MECOM: variants seen among roughly 807,000 people sequenced by gnomAD.
MECOM encodes MDS1 and EVI1 complex locus, also known as histone-lysine N-methyltransferase MECOM.
MECOM carries 13 observed loss-of-function variants against 116.3 expected under a neutral mutation model. The observed-to-expected ratio is 0.11, with a 90% CI of 0.07 to 0.18. The LOEUF (loss-of-function observed/expected upper bound fraction) is 0.18. Among genes scored for constraint, MECOM ranks in the 10% least tolerant of loss-of-function variants. MECOM has a pLI of 1.00. For missense variants in MECOM, 1,299 were observed against 1,509.0 expected (o/e 0.86, Z 2.31); for synonymous variants, 528 against 535.2 (o/e 0.99, Z 0.19).
At position 169,346,981 on chromosome 3, in the gene MECOM, C is replaced by A. The variant is rs141191798; in HGVS notation, c.375+34206G>T. 5.9e-5 allele frequency among the ~76,000 whole-genome samples: 9 copies of A among 151,978 alleles called. No homozygotes were observed. The East Asian group carries it at 1.7e-3, about 29-fold the overall frequency. On this transcript the variant is annotated intron_variant, in intron 2 of 16. Coordinates refer to ENST00000651503, the MANE Select transcript of MECOM (RefSeq NM_004991.4). ...ACCCAAATGTTTAATAATAGGGAAA[C>A]CTTTAAACAAATTATGGTATATCCA...
At chr3:169,279,549 T>C (rs1396851731) in intron 2 of MECOM, among the ~76,000 whole-genome samples, 1 of 152,128 alleles carries the variant, frequency 6.6e-6, no homozygotes, top group Non-Finnish European at 1.5e-5. Context: ...ACTTCTAGAT[T>C]CCTGATAATA....
In MECOM at chr3:169,260,787, G is replaced by A. The variant is rs183642635; in HGVS notation, c.376-116955C>T. Among the ~76,000 whole-genome samples, 56 of 152,264 alleles carry A rather than the reference G, an allele frequency of 3.7e-4. No individual in the cohort carries two copies. In the Middle Eastern group the frequency reaches 0.01, roughly 28 times the overall value. ...GGAGCTTCTGAGAGAAATAAAACAG[G>A]ATAAATATTTATCCCTAAAGTTCTT... On this transcript the variant is annotated intron_variant, in intron 2 of 16. Coordinates refer to ENST00000651503, the MANE Select transcript of MECOM (RefSeq NM_004991.4).
At chr3:169,548,590 A>C (rs1476236401) in intron 1 of MECOM, among the ~76,000 whole-genome samples, 1 of 152,216 alleles carries the variant, frequency 6.6e-6, no homozygotes, top group Admixed American at 6.5e-5. Flanking sequence ...TCCTTTATTC[A>C]GGCCGATAGT....
rs1729180448 is a variant in MECOM, at chr3:169,116,440, C to G, written c.1432G>C (p.Gly478Arg). 1 of 1,613,998 alleles carries G rather than the reference C, an allele frequency of 6.2e-7. No individual in the cohort carries two copies. The change falls in exon 8 of 17, where the codon GGT (glycine) becomes CGT (arginine). Residue 478 changes from glycine (G) to arginine (R), a missense_variant. Physicochemically the swap from Gly to Arg is moderately radical, Grantham distance 125 (BLOSUM62 -2). Around this residue, in one of 6 missense-constraint regions of MECOM, gnomAD observed 238 missense variants for 273.1 expected, o/e 0.87. Transcript: ENST00000651503. ...DYFGANRHPA[G>R]LTFPTAPGFS... ...CCAGGAGCTGTTGGAAAGGTAAGAC[C>G]AGCAGGATGCCTATTGGCGCCAAAA...
chr3:169,121,511 A>T (rs16853191), intron 6 of MECOM, among the ~76,000 whole-genome samples: 2 of 152,114 alleles, frequency 1.3e-5, no homozygotes, highest in Non-Finnish European at 2.9e-5. Context: ...CTTGAGTTGA[A>T]TAATAAAATG....
intron 2 of MECOM, among the ~76,000 whole-genome samples, chr3:169,196,646 T>C (rs1748444550): frequency 1.3e-5 from 2 of 152,134 alleles, no homozygotes; most frequent in East Asian, 1.9e-4. Flanking sequence ...ATGGCTATTA[T>C]TAAAAGTCAA....
At chr3:169,115,332 AC>A (rs1728800199) in intron 8 of MECOM, 50 bp downstream of exon 8, 1 of 1,556,552 alleles carries the variant, frequency 6.4e-7, no homozygotes, top group Admixed American at 1.8e-5. Flanking sequence ...CAGTGGAAAT[AC>A]CGCCTTTCAT....
intron 2 of MECOM, among the ~76,000 whole-genome samples, chr3:169,257,054 T>C (rs1560052924): frequency 6.6e-6 from 1 of 152,204 alleles, no homozygotes; most frequent in Non-Finnish European, 1.5e-5. Context: ...TTGTAAGTGG[T>C]CCAAAAATGA....
Position 169,122,656 on chromosome 3 carries a change from T to A in MECOM, c.902A>T (p.Asn301Ile), listed in dbSNP as rs1427543297. The change falls in exon 6 of 17, where the codon AAC (asparagine) becomes ATC (isoleucine). Residue 301 changes from asparagine to isoleucine, a missense_variant. Asn to Ile is a moderately radical substitution (Grantham distance 149). Around this residue, in one of 6 missense-constraint regions of MECOM, gnomAD observed 374 missense variants for 433.4 expected, o/e 0.86. Coordinates refer to ENST00000651503, the MANE Select transcript of MECOM (RefSeq NM_004991.4). Reference protein sequence around the residue: ...YKCDQCPKAFNWKSNLIRHQM... With the variant: ...YKCDQCPKAFIWKSNLIRHQM... ...GTGGCGAATTAAATTGGACTTCCAG[T>A]TAAATGCCTTGGGACACTGATCACA... 6.2e-7 allele frequency: 1 copy of A among 1,614,106 alleles called. No individual in the cohort carries two copies. The highest frequency in any genetic ancestry group is 1.3e-5 in the African/African-American group (1 of 75,050).
At chr3:169,240,747 A>G (rs1259461378) in intron 2 of MECOM, among the ~76,000 whole-genome samples, 2 of 152,212 alleles carry the variant, frequency 1.3e-5, no homozygotes, top group East Asian at 3.9e-4. Context: ...ACCTGCCTCT[A>G]GATGCCAGCC....
chr3:169,345,864 C>T (rs1725255979), intron 2 of MECOM, among the ~76,000 whole-genome samples: 1 of 152,080 alleles, frequency 6.6e-6, no homozygotes, highest in African/African-American at 2.4e-5. Context: ...AAGGAAATAT[C>T]TGCATACACC....
intron 1 of MECOM, among the ~76,000 whole-genome samples, chr3:169,385,794 A>G (rs971395572): frequency 6.6e-6 from 1 of 152,220 alleles, no homozygotes; most frequent in Non-Finnish European, 1.5e-5. Context: ...AGCTATAACT[A>G]TAGTTAATTA....
chr3:169,399,926 C>A (rs149656272), intron 1 of MECOM, among the ~76,000 whole-genome samples: 2,049 of 152,130 alleles, frequency 0.013, 21 homozygotes, highest in Middle Eastern at 0.041. Context: ...TTATGAAATT[C>A]CAATTATAAA....
chr3:169,309,518 G>A (rs1391598277), intron 2 of MECOM, among the ~76,000 whole-genome samples: 2 of 152,162 alleles, frequency 1.3e-5, no homozygotes, highest in African/African-American at 4.8e-5. Flanking sequence ...ACAGAAAGCT[G>A]TGGGATGTAA....
intron 12 of MECOM, among the ~76,000 whole-genome samples, chr3:169,098,593 A>G (rs974288037): frequency 6.6e-6 from 1 of 152,172 alleles, no homozygotes; most frequent in Non-Finnish European, 1.5e-5. Flanking sequence ...TAAGGTTATT[A>G]CTTTTTCTCT....
At chr3:169,300,994 A>C (rs1716605563) in intron 2 of MECOM, among the ~76,000 whole-genome samples, 1 of 152,244 alleles carries the variant, frequency 6.6e-6, no homozygotes, top group Non-Finnish European at 1.5e-5. Context: ...GTCACTAGTT[A>C]CTGAATTAAC....
Position 169,085,059 on chromosome 3 carries a change from G to A in MECOM, c.3586-16C>T. The A allele has an allele frequency of 6.2e-7, 1 of 1,613,582 alleles. No individual in the cohort carries two copies. The highest frequency in any genetic ancestry group is 1.1e-5 in the South Asian group (1 of 90,964). On this transcript the variant is annotated splice_polypyrimidine_tract_variant and intron_variant, in intron 16 of 16. Transcript: ENST00000651503. Reference sequence around the variant, plus strand: ...TAGCATATGCCTGGGGTAAAAAGGAGAGAGACTCAGTAAATGGCATTTGAA... The same window carrying A: ...TAGCATATGCCTGGGGTAAAAAGGAAAGAGACTCAGTAAATGGCATTTGAA...
chr3:169,182,856 C>A (rs1484885341), intron 2 of MECOM, among the ~76,000 whole-genome samples: 1 of 151,954 alleles, frequency 6.6e-6, no homozygotes, highest in East Asian at 1.9e-4. Flanking sequence ...GCTACTTGAA[C>A]ACCTATCAGT....
chr3:169,467,737 A>C (rs1445365374), intron 1 of MECOM, among the ~76,000 whole-genome samples: 3 of 152,132 alleles, frequency 2.0e-5, no homozygotes, highest in African/African-American at 7.2e-5. Flanking sequence ...CTGAGGTTGT[A>C]AGTCTAGTTA....
Sources: gnomAD v4.1 joint callset for allele counts (sites outside exome capture counted in the v4.1 genomes callset) on GRCh38, gnomAD v4.1.1 for gene constraint, gnomAD v4.1.1 regional missense constraint, MANE v1.5 for transcripts, NCBI Gene and HGNC (gene_info 2026-07-23, HGNC 2026-07-21) for gene names.